The following BANK1 variants were observed in gnomAD, a reference collection of about 807,000 sequenced individuals.
BANK1 encodes the protein B-cell scaffold protein with ankyrin repeats.
In BANK1, 95 loss-of-function variants were observed where a neutral mutation model predicts 94.5. That is an observed-to-expected ratio of 1.00 (90% CI 0.85 to 1.19). The LOEUF (loss-of-function observed/expected upper bound fraction) is 1.19, where lower values mean the gene tolerates loss of function less well. Ranked by LOEUF, BANK1 falls within the 50% of genes most tolerant of loss-of-function variation. The probability of loss-of-function intolerance (pLI) is 0.00; values close to 1 mark genes in which losing one functional copy is unlikely to be tolerated. For missense variants in BANK1, 987 were observed against 932.2 expected, an observed-to-expected ratio of 1.06 and a Z score of -0.77; for synonymous variants, 334 against 308.4, an observed-to-expected ratio of 1.08 and a Z score of -0.87.
At chr4:101,848,395 C>G (rs1030845021) in intron 2 of BANK1, among the ~76,000 whole-genome samples, 1 of 152,178 alleles carries the variant, frequency 6.6e-6, no homozygotes, top group Admixed American at 6.5e-5. Flanking sequence ...CTCCGGTATT[C>G]ATTTTAGGTC....
At chr4:101,975,447 T>C (rs1213495415) in intron 7 of BANK1, among the ~76,000 whole-genome samples, 1 of 152,162 alleles carries the variant, frequency 6.6e-6, no homozygotes, top group African/African-American at 2.4e-5. Flanking sequence ...TTAGAGAGAT[T>C]GTAGAATATG....
chr4:102,007,149 TATA>T (rs1726330122), intron 7 of BANK1, among the ~76,000 whole-genome samples: 28 of 11,164 alleles, frequency 2.5e-3, no homozygotes, highest in African/African-American at 0.019. Flanking sequence ...ATATATTTTA[TATA>T]TATATATATA....
chr4:101,926,774 C>G (rs1330069302), intron 7 of BANK1, among the ~76,000 whole-genome samples: 1 of 151,706 alleles, frequency 6.6e-6, no homozygotes, highest in Admixed American at 6.6e-5. Flanking sequence ...TTTTTGGTAA[C>G]TGTCTAAAAC....
At chr4:101,969,416 A>G (rs1724878822) in intron 7 of BANK1, among the ~76,000 whole-genome samples, 1 of 152,130 alleles carries the variant, frequency 6.6e-6, no homozygotes, top group East Asian at 1.9e-4. Context: ...ACACTTGATA[A>G]AAGTGAAGTT....
intron 7 of BANK1, among the ~76,000 whole-genome samples, chr4:101,937,021 T>A (rs1466464183): frequency 6.6e-6 from 1 of 151,614 alleles, no homozygotes; most frequent in Non-Finnish European, 1.5e-5. Flanking sequence ...GCAGTACTGT[T>A]CACAATAGCC....
At chr4:101,874,418 C>T (rs1728411203) in intron 5 of BANK1, among the ~76,000 whole-genome samples, 1 of 152,172 alleles carries the variant, frequency 6.6e-6, no homozygotes, top group Non-Finnish European at 1.5e-5. Flanking sequence ...TCGAGAGATA[C>T]TGGGAAGTCT....
chr4:101,904,000 T>C (rs1166463298), intron 6 of BANK1, among the ~76,000 whole-genome samples: 1 of 152,042 alleles, frequency 6.6e-6, no homozygotes, highest in Non-Finnish European at 1.5e-5. Flanking sequence ...ACTGTGAAAA[T>C]TTTTTATGAG....
At chr4:101,860,481 A>G (rs1157005782) in intron 3 of BANK1, among the ~76,000 whole-genome samples, 2 of 151,572 alleles carry the variant, frequency 1.3e-5, no homozygotes, top group Non-Finnish European at 2.9e-5. Flanking sequence ...CCCAGGCTGG[A>G]GTGCAGTGGC....
intron 2 of BANK1, among the ~76,000 whole-genome samples, chr4:101,838,610 A>G (rs1288431151): frequency 1.3e-5 from 2 of 152,174 alleles, no homozygotes; most frequent in Non-Finnish European, 2.9e-5. Flanking sequence ...AAAAAACAAA[A>G]TTTTACTGTC....
chr4:101,974,412 A>G lies in BANK1; in HGVS notation c.1207-47102A>G, dbSNP rs545326388. On this transcript the variant is annotated intron_variant, in intron 7 of 16. Transcript: ENST00000322953. ...AGCAGAGAGAGGAGTTGTAATGTTC[A>G]TAATACCTCCTACCTTTTCATCAGT... is the stretch of plus-strand genomic sequence containing the variant. Among the ~76,000 whole-genome samples the G allele has an allele frequency of 2.0e-5, 3 of 152,308 alleles. No individual in the cohort carries two copies. The South Asian group carries it at 6.2e-4, about 32-fold the overall frequency.
At chr4:101,873,654 T>C (rs1288191684) in intron 5 of BANK1, among the ~76,000 whole-genome samples, 1 of 152,216 alleles carries the variant, frequency 6.6e-6, no homozygotes, top group Non-Finnish European at 1.5e-5. Context: ...TAATTATCTA[T>C]CTGCTTTTTT....
At chr4:102,054,146 T>C (rs72686802) in intron 11 of BANK1, among the ~76,000 whole-genome samples, 46,189 of 150,658 alleles carry the variant, frequency 0.31, 8,576 homozygotes, top group South Asian at 0.44. Context: ...AGATATCTTA[T>C]GAGATATTAT....
At chr4:102,052,954 G>A (rs1055109101) in intron 11 of BANK1, among the ~76,000 whole-genome samples, 1 of 152,158 alleles carries the variant, frequency 6.6e-6, no homozygotes, top group Non-Finnish European at 1.5e-5. Flanking sequence ...TGAAGAAAAG[G>A]TATTGACAAG....
intron 2 of BANK1, among the ~76,000 whole-genome samples, chr4:101,836,003 A>C (rs556842138): frequency 6.6e-6 from 1 of 152,266 alleles, no homozygotes; most frequent in South Asian, 2.1e-4. Context: ...GTCAGTTGAC[A>C]AGTTGCTTTA....
intron 5 of BANK1, 31 bp downstream of exon 5, chr4:101,870,675 A>G: frequency 6.3e-7 from 1 of 1,597,620 alleles, no homozygotes; most frequent in Non-Finnish European, 8.5e-7. Context: ...AGTTAATCAT[A>G]ATGTAAGCTG....
chr4:102,073,934 T>G (rs1313510588), intron 16 of BANK1, 71 bp from the exon 17 acceptor site: 1 of 437,812 alleles, frequency 2.3e-6, no homozygotes, highest in Non-Finnish European at 4.0e-6. Context: ...AGGGGTGATT[T>G]AATGCCAATT....
At chr4:101,897,747 C>A (rs985834519) in intron 6 of BANK1, among the ~76,000 whole-genome samples, 1 of 151,944 alleles carries the variant, frequency 6.6e-6, no homozygotes, top group Non-Finnish European at 1.5e-5. Flanking sequence ...AGGTCCCAGC[C>A]ATCAGTAGTT....
intron 9 of BANK1, among the ~76,000 whole-genome samples, chr4:102,026,021 G>A (rs1249487145): frequency 2.0e-5 from 3 of 152,176 alleles, no homozygotes; most frequent in African/African-American, 7.2e-5. Context: ...AGAATTAAGC[G>A]TTAAAGGGTT....
chr4:101,851,833 T>A (rs1727488304), intron 2 of BANK1, among the ~76,000 whole-genome samples: 1 of 152,194 alleles, frequency 6.6e-6, no homozygotes, highest in Non-Finnish European at 1.5e-5. Context: ...TCTTTTATTC[T>A]TAGGGCAAAA....
Sources: allele counts gnomAD v4.1 joint callset (sites outside exome capture counted in the v4.1 genomes callset), GRCh38; gene constraint gnomAD v4.1.1; transcripts MANE v1.5; gene names NCBI Gene and HGNC (gene_info 2026-07-23, HGNC 2026-07-21).